Variants in ATPAF2 observed in about 807,000 individuals in gnomAD.
ATPAF2 encodes ATP12 homolog.
ATPAF2 carries 30 observed loss-of-function variants against 36.6 expected under a neutral mutation model. The observed-to-expected ratio is 0.82, with a 90% CI of 0.61 to 1.11. The LOEUF (loss-of-function observed/expected upper bound fraction) is 1.11, where lower values mean the gene tolerates loss of function less well. Ranked by LOEUF, ATPAF2 falls within the 50% of genes most tolerant of loss-of-function variation. The probability of loss-of-function intolerance (pLI) is 0.00; values close to 1 mark genes in which losing one functional copy is unlikely to be tolerated. For missense variants in ATPAF2, 321 were observed against 372.3 expected, an observed-to-expected ratio of 0.86 and a Z score of 1.13; for synonymous variants, 140 against 152.6, an observed-to-expected ratio of 0.92 and a Z score of 0.61.
At chr17:18,018,717 G>C in intron 7 of ATPAF2, 31 bp from the exon 8 acceptor site, 2 of 1,613,662 alleles carry the variant, frequency 1.2e-6, no homozygotes, top group Non-Finnish European at 1.7e-6. Flanking sequence ...GTTGCTGGGT[G>C]AGTGGCCAGT....
rs969425719 is a variant in ATPAF2 at position 18,024,129 on chromosome 17, G to T, written c.503+495C>A. Among the ~76,000 whole-genome samples the T allele has an allele frequency of 1.7e-4, 26 of 152,222 alleles. 1 individual carries two copies. Among genetic ancestry groups the T allele is most frequent in the Non-Finnish European group, 5.9e-5 (4 of 68,032 alleles). On this transcript the variant is annotated intron_variant, in intron 5 of 7. Transcript: ENST00000474627. ...CACTGCCAAAATTTGAACATTTACT[G>T]TGTGCTAATAAGCAGGATGCTAAGC...
Position 18,024,670 on chromosome 17 carries a change from G to A in ATPAF2, c.457C>T (p.Leu153Phe), listed in dbSNP as rs1352572852. Reference protein sequence around the residue: ...RVEEPETLVELQRNEWDPIIE... With the variant: ...RVEEPETLVEFQRNEWDPIIE... Reference sequence around the variant, plus strand: ...ATTGGATCCCACTCATTCCTTTGAAGTTCCACTAATGTCTCGGGCTCCTCC... The same window carrying A: ...ATTGGATCCCACTCATTCCTTTGAAATTCCACTAATGTCTCGGGCTCCTCC... Residue 153 changes from leucine (L) to phenylalanine (F), a missense_variant, in exon 5 of 8, where the codon CTT (leucine) becomes TTT (phenylalanine). By Grantham distance (22) the Leu-to-Phe change is conservative. Around this residue, in one of 3 missense-constraint regions of ATPAF2, gnomAD observed 199 missense variants for 220.6 expected, o/e 0.90. Coordinates refer to ENST00000474627, the MANE Select transcript of ATPAF2 (RefSeq NM_145691.4). The A allele has an allele frequency of 2.5e-6, 4 of 1,613,920 alleles. No homozygotes were observed. The African/African-American group carries it at 4.0e-5, about 16-fold the overall frequency.
intron 1 of ATPAF2, among the ~76,000 whole-genome samples, chr17:18,033,446 T>A (rs183597125): frequency 5.7e-4 from 86 of 150,016 alleles, no homozygotes; most frequent in African/African-American, 2.0e-3. Context: ...AGACAAAATG[T>A]GAGACCACCA....
rs567663898 is a variant in ATPAF2, at chr17:18,018,217, G to T, written c.*332C>A. 3 of 384,800 alleles carry T rather than the reference G, an allele frequency of 7.8e-6. No individual in the cohort carries two copies. Among genetic ancestry groups the T allele is most frequent in the African/African-American group, 4.1e-5 (2 of 48,380 alleles). The allele number at this position is 384,800 out of a possible 1,614,324, so 23.8% of individuals were successfully genotyped here. On this transcript the variant is annotated 3_prime_UTR_variant, in exon 8 of 8. Coordinates refer to ENST00000474627, the MANE Select transcript of ATPAF2 (RefSeq NM_145691.4). ...CTCTGGAACCTAGACAAAACAGGAA[G>T]AATGGAGAAGTGCAGAGGCATACGT...
chr17:18,026,614 T>C, intron 3 of ATPAF2, 198 bp from the exon 4 acceptor site: 1 of 618,420 alleles, frequency 1.6e-6, no homozygotes, highest in Non-Finnish European at 2.9e-6. Context: ...ATGCTTTGTG[T>C]TGACGCTCAC....
Position 18,028,662 on chromosome 17 carries a change from G to GT in ATPAF2, c.134-4dup. On this transcript the variant is annotated splice_polypyrimidine_tract_variant and splice_region_variant and intron_variant, in intron 1 of 7. Coordinates refer to ENST00000474627, the MANE Select transcript of ATPAF2 (RefSeq NM_145691.4). Reference sequence around the variant, plus strand: ...ATTCTGATAAAACCTCTTCCTTTCTGTAAGAAAGATTTTTCAAAGAGGCAG... The same window carrying GT: ...ATTCTGATAAAACCTCTTCCTTTCTGTTAAGAAAGATTTTTCAAAGAGGCAG... The GT allele has an allele frequency of 1.2e-6, 2 of 1,612,664 alleles. No individual in the cohort carries two copies. The highest frequency in any genetic ancestry group is 1.7e-6 in the Non-Finnish European group (2 of 1,179,720).
chr17:18,018,511 C>G lies in ATPAF2; in HGVS notation c.*38G>C, dbSNP rs370697942. ...CTGAAGGCCGGGGGAGCTGTGGCTGCACTGCCTCTATCCTGCTGAGTGTGC... is the reference window on the plus strand; with the variant it reads ...CTGAAGGCCGGGGGAGCTGTGGCTGGACTGCCTCTATCCTGCTGAGTGTGC... On this transcript the variant is annotated 3_prime_UTR_variant, in exon 8 of 8. Transcript: ENST00000474627. 1 of 1,610,878 alleles carries G rather than the reference C, an allele frequency of 6.2e-7. No homozygotes were observed. The highest frequency in any genetic ancestry group is 1.1e-5 in the South Asian group (1 of 91,018).
At chr17:18,019,125 G>A (rs1470119704) in intron 7 of ATPAF2, among the ~76,000 whole-genome samples, 2 of 145,674 alleles carry the variant, frequency 1.4e-5, no homozygotes, top group Non-Finnish European at 3.0e-5. Flanking sequence ...GGGCAACAGA[G>A]CAAGACCCTG....
chr17:18,031,256 T>C (rs2044630613), intron 1 of ATPAF2, among the ~76,000 whole-genome samples: 1 of 151,450 alleles, frequency 6.6e-6, no homozygotes. Context: ...ATTACAGGCG[T>C]GAGCCACTGC....
intron 4 of ATPAF2, chr17:18,024,960 T>C: frequency 2.0e-6 from 1 of 512,014 alleles, no homozygotes; most frequent in Non-Finnish European, 3.5e-6. Flanking sequence ...CCCAGCAATC[T>C]GTTTTAACAA....
At chr17:18,030,813 G>GC (rs1567577667) in intron 1 of ATPAF2, among the ~76,000 whole-genome samples, 2 of 143,436 alleles carry the variant, frequency 1.4e-5, no homozygotes, top group African/African-American at 5.2e-5. Context: ...GACTACAGGC[G>GC]CCGCCACCAC....
At chr17:18,029,236 G>A (rs2044592261) in intron 1 of ATPAF2, among the ~76,000 whole-genome samples, 1 of 152,202 alleles carries the variant, frequency 6.6e-6, no homozygotes, top group Non-Finnish European at 1.5e-5. Context: ...CTTCAAGAAT[G>A]GGAAAATCTA....
At chr17:18,038,797 G>A (rs1043818563) in intron 1 of ATPAF2, 84 bp downstream of exon 1, 2 of 1,584,670 alleles carry the variant, frequency 1.3e-6, no homozygotes, top group Non-Finnish European at 8.7e-7. Flanking sequence ...CCCTGCCTCA[G>A]TTACTTCGCT....
At chr17:18,035,762 G>A (rs1286338240) in intron 1 of ATPAF2, among the ~76,000 whole-genome samples, 5 of 152,224 alleles carry the variant, frequency 3.3e-5, no homozygotes. Context: ...AAAACAGGTG[G>A]CAGGCTGGAC....
chr17:18,029,121 C>T (rs1386520168), intron 1 of ATPAF2, among the ~76,000 whole-genome samples: 2 of 152,196 alleles, frequency 1.3e-5, no homozygotes, highest in African/African-American at 2.4e-5. Context: ...TGTGATACAT[C>T]GGCAGGATAC....
At chr17:18,018,729 C>A in intron 7 of ATPAF2, 43 bp from the exon 8 acceptor site, 2 of 1,613,292 alleles carry the variant, frequency 1.2e-6, no homozygotes, top group East Asian at 2.2e-5. Context: ...GTGGCCAGTG[C>A]CTGGCTGCCT....
intron 7 of ATPAF2, among the ~76,000 whole-genome samples, chr17:18,020,297 T>C (rs1264598418): frequency 6.6e-6 from 1 of 152,238 alleles, no homozygotes; most frequent in Non-Finnish European, 1.5e-5. Flanking sequence ...AAACAGCAGC[T>C]ACCCCTATGC....
chr17:18,026,027 A>C, intron 4 of ATPAF2: 3 of 513,452 alleles, frequency 5.8e-6, no homozygotes, highest in Non-Finnish European at 1.1e-5. Context: ...AGGCCCCCCT[A>C]GGCCTAAGGG....
chr17:18,016,488 A>C (rs985038180), downstream of ATPAF2: 1 of 1,177,488 alleles, frequency 8.5e-7, no homozygotes, highest in African/African-American at 1.5e-5. Flanking sequence ...CCTTCCCTCA[A>C]ACTGGATTCA....
Sources: allele counts gnomAD v4.1 joint callset (sites outside exome capture counted in the v4.1 genomes callset), GRCh38; gene constraint gnomAD v4.1.1; regional missense constraint gnomAD v4.1.1; transcripts MANE v1.5; gene names NCBI Gene and HGNC (gene_info 2026-07-23, HGNC 2026-07-21).